The following ADAM11 variants were observed in gnomAD, a reference collection of about 807,000 sequenced individuals.
The protein encoded by ADAM11 is disintegrin and metalloproteinase domain-containing protein 11.
ADAM11 carries 49 observed loss-of-function variants against 119.1 expected under a neutral mutation model. The observed-to-expected ratio is 0.41, with a 90% confidence interval of 0.33 to 0.52. ADAM11 has a LOEUF of 0.52. Ranked by LOEUF, ADAM11 falls within the 20% of genes least tolerant of loss-of-function variation. The pLI is 0.20. For missense variants in ADAM11, 777 were observed against 1,047.5 expected, an observed-to-expected ratio of 0.74 and a Z score of 3.56; for synonymous variants, 364 against 408.0, an observed-to-expected ratio of 0.89 and a Z score of 1.30.
chr17:44,773,026 C>A lies in ADAM11; in HGVS notation c.766C>A (p.Arg256=), dbSNP rs776824342. ...INDHQLFEQM[R]QSVVLTSNFA... ...TTCTCTCTCCCAGTTCGAGCAGATG[C>A]GACAGTCGGTGGTCCTCACCAGCAA... The change falls in exon 10 of 27, where the codon CGA becomes AGA. Residue 256 remains arginine, a synonymous_variant. Coordinates refer to ENST00000200557, the MANE Select transcript of ADAM11 (RefSeq NM_002390.6). This position sits in a 1 kb window ranked among gnomAD's most constrained non-coding sequence, Gnocchi z 4.6. 3.1e-6 allele frequency: 5 copies of A among 1,614,076 alleles called. No individual in the cohort carries two copies. The highest frequency in any genetic ancestry group is 1.7e-5 in the Admixed American group (1 of 60,010).
chr17:44,774,577 C>T lies in ADAM11; in HGVS notation c.1163C>T (p.Ser388Leu), dbSNP rs372427209. ...ATGATGTGGAACAAACACCGGAGCTCGGCAGGTATCCTCCCCCAGAGGCCC... is the reference window on the plus strand; with the variant it reads ...ATGATGTGGAACAAACACCGGAGCTTGGCAGGTATCCTCCCCCAGAGGCCC... Reference protein sequence around the residue: ...LGMMWNKHRSSAGDCKCPDIW... With the variant: ...LGMMWNKHRSLAGDCKCPDIW... Residue 388 changes from serine to leucine, a missense_variant, in exon 13 of 27, where the codon TCG becomes TTG. Ser to Leu is a moderately radical substitution (Grantham distance 145, BLOSUM62 -2). Around this residue, in one of 4 missense-constraint regions of ADAM11, gnomAD observed 147 missense variants for 223.3 expected, o/e 0.66. Coordinates refer to ENST00000200557, the MANE Select transcript of ADAM11 (RefSeq NM_002390.6). 190 of 1,612,712 alleles carry T rather than the reference C, an allele frequency of 1.2e-4. No homozygotes were observed. The East Asian group carries it at 2.7e-3, about 23-fold the overall frequency.
At chr17:44,763,889 G>T (rs979340607) in intron 2 of ADAM11, among the ~76,000 whole-genome samples, 4 of 151,946 alleles carry the variant, frequency 2.6e-5, no homozygotes, top group Admixed American at 2.0e-4. Context: ...GCTAATTTTT[G>T]TATTTTTAGT....
intron 2 of ADAM11, among the ~76,000 whole-genome samples, chr17:44,765,562 G>A (rs1237664207): frequency 6.7e-6 from 1 of 149,816 alleles, no homozygotes; most frequent in Admixed American, 6.7e-5. Flanking sequence ...CATTTAAAAG[G>A]GCTTTTATTT....
At position 44,775,526 on chromosome 17, in the gene ADAM11, G is replaced by A. The variant is rs1325637825; in HGVS notation, c.1393-58G>A. On this transcript the variant is annotated intron_variant, in intron 16 of 26. Transcript: ENST00000200557. This position sits in a 1 kb window ranked among gnomAD's most constrained non-coding sequence, Gnocchi z 7.5. ...GATGCGGGGGTGGGCACGAGGGAGCGTCTGAGTGGGAGGATTAGGGCTCGC... is the reference window on the plus strand; with the variant it reads ...GATGCGGGGGTGGGCACGAGGGAGCATCTGAGTGGGAGGATTAGGGCTCGC... 1.3e-6 allele frequency: 2 copies of A among 1,569,866 alleles called. No individual in the cohort carries two copies. The highest frequency in any genetic ancestry group is 1.3e-5 in the African/African-American group (1 of 74,160).
At chr17:44,770,605 C>A (rs963329974) in intron 4 of ADAM11, among the ~76,000 whole-genome samples, 4 of 151,944 alleles carry the variant, frequency 2.6e-5, no homozygotes, top group African/African-American at 7.3e-5. Flanking sequence ...ATGAGTCTGG[C>A]CAGGAGGACA....
Position 44,776,286 on chromosome 17 carries a change from T to C in ADAM11, c.1566+79T>C. 6.8e-7 allele frequency: 1 copy of C among 1,476,576 alleles called. No individual in the cohort carries two copies. Among genetic ancestry groups the C allele is most frequent in the Non-Finnish European group, 9.4e-7 (1 of 1,062,342 alleles). 91.5% of individuals were successfully genotyped at this position (1,476,576 alleles called of 1,614,324 possible). A position where few individuals can be genotyped will look rare whatever the true frequency, so the allele number is the denominator to read the frequency against. On this transcript the variant is annotated intron_variant, in intron 18 of 26. Coordinates refer to ENST00000200557, the MANE Select transcript of ADAM11 (RefSeq NM_002390.6). The surrounding 1 kb of genome is among the most constrained non-coding windows in gnomAD (Gnocchi z 5.2). ...TGTCGATTTGGTTTTCCCGGACGAG[T>C]GCTCAGCACTCCCCTCCTCTCCACA...
chr17:44,772,512 C>T lies in ADAM11; in HGVS notation c.678+46C>T. On this transcript the variant is annotated intron_variant, in intron 8 of 26. Transcript: ENST00000200557. This position sits in a 1 kb window ranked among gnomAD's most constrained non-coding sequence, Gnocchi z 4.5. ...CTCGGGCTGCAGAGACCTCGGGCTG[C>T]AGAGAGACCTCAGGCCGTGGCCCAG... 3.2e-6 allele frequency: 5 copies of T among 1,544,478 alleles called. No homozygotes were observed. The highest frequency in any genetic ancestry group is 4.4e-6 in the Non-Finnish European group (5 of 1,142,906).
At chr17:44,763,783 C>T (rs1466521939) in intron 2 of ADAM11, among the ~76,000 whole-genome samples, 1 of 151,774 alleles carries the variant, frequency 6.6e-6, no homozygotes, top group Non-Finnish European at 1.5e-5. Flanking sequence ...GCAGCATGAT[C>T]TCGGCTCACT....
intron 25 of ADAM11, 46 bp downstream of exon 25, chr17:44,778,288 G>GA (rs781251531): frequency 6.4e-7 from 1 of 1,557,962 alleles, no homozygotes; most frequent in Non-Finnish European, 8.7e-7. Flanking sequence ...CTTGAGGGGG[G>GA]ATCAGAATCC....
At chr17:44,770,615 A>G (rs1211918257) in intron 4 of ADAM11, among the ~76,000 whole-genome samples, 1 of 152,036 alleles carries the variant, frequency 6.6e-6, no homozygotes, top group African/African-American at 2.4e-5. Flanking sequence ...CCAGGAGGAC[A>G]CATGCTGCCC....
Position 44,774,322 on chromosome 17 carries a change from C to A in ADAM11, c.1020C>A (p.Ser340Arg). The change falls in exon 12 of 27, where the codon AGC becomes AGA. Residue 340 changes from serine (S) to arginine (R), a missense_variant. By Grantham distance (110) the Ser-to-Arg change is moderately radical (BLOSUM62 -1). Transcript: ENST00000200557. ...GCAGGACCTTCCAGAGCACGAGCAGCGGGGCAGCCTACGTGGGGGGCATAT... is the reference window on the plus strand; with the variant it reads ...GCAGGACCTTCCAGAGCACGAGCAGAGGGGCAGCCTACGTGGGGGGCATAT... The part of the protein sequence containing the change: ...FSGRTFQSTS[S>R]GAAYVGGICS... The A allele has an allele frequency of 6.8e-7, 1 of 1,473,054 alleles. No individual in the cohort carries two copies. The highest frequency in any genetic ancestry group is 9.0e-7 in the Non-Finnish European group (1 of 1,108,086). The allele number at this position is 1,473,054 out of a possible 1,614,324, so 91.2% of individuals were successfully genotyped here. A position where few individuals can be genotyped will look rare whatever the true frequency, so the allele number is the denominator to read the frequency against.
chr17:44,767,931 A>G (rs2049470745), intron 2 of ADAM11, among the ~76,000 whole-genome samples: 1 of 152,244 alleles, frequency 6.6e-6, no homozygotes, highest in African/African-American at 2.4e-5. Context: ...GTGCCAGGGC[A>G]GACTCTGCTG....
At chr17:44,759,329 C>A in intron 1 of ADAM11, 69 bp downstream of exon 1, 1 of 1,328,750 alleles carries the variant, frequency 7.5e-7, no homozygotes, top group East Asian at 3.1e-5. Context: ...GCGCTTGCTG[C>A]TGCAGCCACC....
chr17:44,769,907 C>T (rs1598886926), intron 3 of ADAM11, 75 bp from the exon 4 acceptor site: 2 of 1,608,286 alleles, frequency 1.2e-6, no homozygotes, highest in Non-Finnish European at 8.5e-7. Context: ...GGACCTGGGT[C>T]CTGACCTGAG....
chr17:44,764,032 C>G (rs1265057552), intron 2 of ADAM11, among the ~76,000 whole-genome samples: 4 of 152,096 alleles, frequency 2.6e-5, no homozygotes, highest in Non-Finnish European at 5.9e-5. Context: ...ACCCCTTTTT[C>G]TAATTTGCAC....
In ADAM11 at chr17:44,771,868, G is replaced by A. The variant is rs2049528905; in HGVS notation, c.543+37G>A. The A allele has an allele frequency of 2.5e-6, 4 of 1,581,276 alleles. 1 individual carries two copies. In the South Asian group the frequency reaches 4.5e-5, roughly 18 times the overall value. On this transcript the variant is annotated intron_variant, in intron 6 of 26. Coordinates refer to ENST00000200557, the MANE Select transcript of ADAM11 (RefSeq NM_002390.6). ...ACAACCCCTTGCCATCCTCTCTGGT[G>A]GCCCTGCCAAGCTTGTCCCAACAGC...
Position 44,773,387 on chromosome 17 carries a change from G to A in ADAM11, c.952G>A (p.Glu318Lys). 1.2e-6 allele frequency: 2 copies of A among 1,613,918 alleles called. No homozygotes were observed. The highest frequency in any genetic ancestry group is 1.1e-5 in the South Asian group (1 of 91,076). Residue 318 changes from glutamate (E) to lysine (K), a missense_variant, in exon 11 of 27, where the codon GAG (glutamate) becomes AAG (lysine). Physicochemically the swap from Glu to Lys is moderately conservative, Grantham distance 56. Around this residue, in one of 4 missense-constraint regions of ADAM11, gnomAD observed 147 missense variants for 223.3 expected, o/e 0.66. Transcript: ENST00000200557. This position sits in a 1 kb window ranked among gnomAD's most constrained non-coding sequence, Gnocchi z 4.6. Reference protein sequence around the residue: ...TLARLMVYRREGLPEPSDATH... With the variant: ...TLARLMVYRRKGLPEPSDATH... Reference sequence around the variant, plus strand: ...GGCCCGGCTCATGGTCTACCGACGGGAGGGTCTGCCTGAGCCCAGTGATGC... The same window carrying A: ...GGCCCGGCTCATGGTCTACCGACGGAAGGGTCTGCCTGAGCCCAGTGATGC...
At position 44,772,759 on chromosome 17, in the gene ADAM11, TCCAGACCCCC is replaced by T; in HGVS notation, c.679-94_679-85del. On this transcript the variant is annotated intron_variant, in intron 8 of 26. Transcript: ENST00000200557. The surrounding 1 kb of genome is among the most constrained non-coding windows in gnomAD (Gnocchi z 4.5). ...GAGCTGGCACTGTCCCTGGCTGGAG[TCCAGACCCCC>T]CCATCCCCACCGAGTCTGTTCCTGG... is the stretch of plus-strand genomic sequence containing the variant. 1 of 1,132,270 alleles carries T rather than the reference TCCAGACCCCC, an allele frequency of 8.8e-7. No homozygotes were observed. Among genetic ancestry groups the T allele is most frequent in the Non-Finnish European group, 1.3e-6 (1 of 769,628 alleles). 70.1% of individuals were successfully genotyped at this position (1,132,270 alleles called of 1,614,324 possible).
intron 25 of ADAM11, among the ~76,000 whole-genome samples, chr17:44,778,713 A>AGAAAAAAAAAAAAAAAAG (rs1567696437): frequency 1.2e-5 from 1 of 80,426 alleles, no homozygotes. Context: ...AAAAAAAAAA[A>AGAAAAAAAAAAAAAAAAG]GAAAGAAAGA....
Sources: gnomAD v4.1 joint callset for allele counts (sites outside exome capture counted in the v4.1 genomes callset) on GRCh38, gnomAD v4.1.1 for gene constraint, gnomAD v4.1.1 regional missense constraint, Gnocchi (gnomAD v3.1) non-coding constraint, MANE v1.5 for transcripts, NCBI Gene and HGNC (gene_info 2026-07-23, HGNC 2026-07-21) for gene names.